Variants in MEF2A observed in about 807,000 individuals in gnomAD.
MEF2A encodes myocyte-specific enhancer factor 2A.
Under a neutral mutation model 55.8 loss-of-function variants are expected in MEF2A, and 28 were observed. The ratio of observed to expected loss-of-function variants is 0.50; its 90% CI spans 0.37 to 0.69. The LOEUF (loss-of-function observed/expected upper bound fraction) is 0.69. Ranked by LOEUF, MEF2A falls within the 30% of genes least tolerant of loss-of-function variation. The pLI is 0.00. For missense variants in MEF2A, 528 were observed against 626.2 expected, an observed-to-expected ratio of 0.84 and a Z score of 1.67; for synonymous variants, 239 against 227.1, an observed-to-expected ratio of 1.05 and a Z score of -0.47.
At position 99,715,041 on chromosome 15, in the gene MEF2A, A is replaced by C. The variant is rs1215203891; in HGVS notation, c.*2270A>C. Reference sequence around the variant, plus strand: ...GTCTCCTCTCTTCAGTATAGACATTAGGCTCTTATTCAGAAAGGATTTTTC... The same window carrying C: ...GTCTCCTCTCTTCAGTATAGACATTCGGCTCTTATTCAGAAAGGATTTTTC... On this transcript the variant is annotated 3_prime_UTR_variant, in exon 12 of 12. Transcript: ENST00000557942. The C allele has an allele frequency of 1.3e-5, 2 of 152,178 alleles. No individual in the cohort carries two copies. Among genetic ancestry groups the C allele is most frequent in the South Asian group, 2.1e-4 (1 of 4,834 alleles). 9.4% of individuals were successfully genotyped at this position (152,178 alleles called of 1,614,324 possible).
At chr15:99,602,650 T>TGG (rs201036705) in intron 2 of MEF2A, among the ~76,000 whole-genome samples, 1,233 of 103,374 alleles carry the variant, frequency 0.012, 34 homozygotes, top group East Asian at 0.02. Flanking sequence ...CTGACATTCC[T>TGG]GGGGTGTGTG....
intron 1 of MEF2A, among the ~76,000 whole-genome samples, chr15:99,595,075 A>T (rs1208642798): frequency 6.6e-6 from 1 of 152,168 alleles, no homozygotes; most frequent in East Asian, 1.9e-4. Context: ...TAGCAGTTAA[A>T]AGCATTCCTG....
At chr15:99,675,492 A>C in intron 7 of MEF2A, 34 bp downstream of exon 7, 1 of 1,564,606 alleles carries the variant, frequency 6.4e-7, no homozygotes. Context: ...TTTTGTAGGT[A>C]TCTATCCTAT....
chr15:99,636,965 A>G (rs2043979042), intron 3 of MEF2A, among the ~76,000 whole-genome samples: 2 of 152,202 alleles, frequency 1.3e-5, no homozygotes, highest in African/African-American at 2.4e-5. Context: ...ACTATATGAC[A>G]GGGTTGCCTT....
intron 9 of MEF2A, among the ~76,000 whole-genome samples, chr15:99,705,457 C>G (rs2057920448): frequency 6.6e-6 from 1 of 152,148 alleles, no homozygotes; most frequent in Admixed American, 6.6e-5. Flanking sequence ...ACAAAGATTG[C>G]TATATCTTCT....
intron 2 of MEF2A, among the ~76,000 whole-genome samples, chr15:99,629,803 G>C (rs2042651371): frequency 6.6e-6 from 1 of 152,138 alleles, no homozygotes; most frequent in African/African-American, 2.4e-5. Context: ...AGCCGGGCGT[G>C]GTGGCACGTG....
chr15:99,630,649 C>G (rs2042805268), intron 2 of MEF2A, among the ~76,000 whole-genome samples: 2 of 152,142 alleles, frequency 1.3e-5, no homozygotes, highest in African/African-American at 2.4e-5. Context: ...ATGATGTTAT[C>G]TTTCTGCTGA....
At position 99,712,517 on chromosome 15, in the gene MEF2A, CAG is replaced by C. The variant is rs1229151811; in HGVS notation, c.1265_1266del (p.Gln422ProfsTer38). On this transcript the variant is annotated frameshift_variant, in exon 12 of 12. Transcript: ENST00000557942. LOFTEE classifies it high-confidence loss of function. The surrounding 1 kb of genome is among the most constrained non-coding windows in gnomAD (Gnocchi z 4.1). ...CCCATCGGGCTTCCAGCAGCAGCAG[CAG>C]CAGCAGCAGCAGCAGCAGCCGCCGC... is the stretch of plus-strand genomic sequence containing the variant. ...MTPSGFQQQQ[Q>X]QQQQQQPPPP... 4 of 1,520,510 alleles carry C rather than the reference CAG, an allele frequency of 2.6e-6. No individual in the cohort carries two copies. The African/African-American group carries it at 5.6e-5, about 21-fold the overall frequency. The allele number at this position is 1,520,510 out of a possible 1,614,324, so 94.2% of individuals were successfully genotyped here.
chr15:99,578,749 C>A (rs1019109897), intron 1 of MEF2A, among the ~76,000 whole-genome samples: 6 of 152,178 alleles, frequency 3.9e-5, no homozygotes, highest in Admixed American at 2.0e-4. Flanking sequence ...ATGAAAGCCA[C>A]AGGGTTCGTG....
chr15:99,575,190 G>A (rs1025026925), intron 1 of MEF2A, among the ~76,000 whole-genome samples: 6 of 152,110 alleles, frequency 3.9e-5, no homozygotes, highest in Middle Eastern at 3.2e-3. Flanking sequence ...GGGGATTCAA[G>A]AAATTTAATA....
At chr15:99,706,554 C>A (rs1252724517) in intron 9 of MEF2A, 175 bp from the exon 10 acceptor site, 6 of 644,298 alleles carry the variant, frequency 9.3e-6, no homozygotes, top group African/African-American at 9.0e-5. Flanking sequence ...AAATAGGACC[C>A]TTCAAATTAA....
chr15:99,645,821 T>C, intron 4 of MEF2A, 57 bp downstream of exon 4: 1 of 1,222,638 alleles, frequency 8.2e-7, no homozygotes, highest in Non-Finnish European at 1.1e-6. Flanking sequence ...TTTTGTTTAA[T>C]AGCATTAACT....
At chr15:99,655,910 A>T (rs1322624786) in intron 4 of MEF2A, among the ~76,000 whole-genome samples, 1 of 152,106 alleles carries the variant, frequency 6.6e-6, no homozygotes, top group Non-Finnish European at 1.5e-5. Context: ...CATTTAACTG[A>T]TGAGGAAGCC....
At chr15:99,616,753 G>A (rs918903827) in intron 2 of MEF2A, among the ~76,000 whole-genome samples, 2 of 152,004 alleles carry the variant, frequency 1.3e-5, no homozygotes, top group African/African-American at 4.8e-5. Flanking sequence ...CATCTTTTGG[G>A]TACCGGATAT....
chr15:99,716,476 G>A lies in MEF2A; in HGVS notation c.*3705G>A, dbSNP rs980956316. 2 of 456,714 alleles carry A rather than the reference G, an allele frequency of 4.4e-6. No individual in the cohort carries two copies. The highest frequency in any genetic ancestry group is 8.8e-6 in the Non-Finnish European group (2 of 227,004). The allele number at this position is 456,714 out of a possible 1,614,324, so 28.3% of individuals were successfully genotyped here. A position where few individuals can be genotyped will look rare whatever the true frequency, so the allele number is the denominator to read the frequency against. ...GCACTCACTCCAGTAAAGACGGACT[G>A]GCTCTTCCTGTGCGTCGAGACTCTG... is the stretch of plus-strand genomic sequence containing the variant. On this transcript the variant is annotated 3_prime_UTR_variant, in exon 12 of 12. Coordinates refer to ENST00000557942, the MANE Select transcript of MEF2A (RefSeq NM_001319206.4).
At chr15:99,692,869 TA>T (rs1040645187) in intron 8 of MEF2A, among the ~76,000 whole-genome samples, 6 of 152,178 alleles carry the variant, frequency 3.9e-5, no homozygotes, top group Admixed American at 2.0e-4. Context: ...AAATCCTGTT[TA>T]ATGGAAAAGG....
At chr15:99,663,779 G>A (rs2049083455) in intron 4 of MEF2A, among the ~76,000 whole-genome samples, 1 of 152,054 alleles carries the variant, frequency 6.6e-6, no homozygotes, top group African/African-American at 2.4e-5. Flanking sequence ...TTAAAAAAAA[G>A]TTTATACAGT....
chr15:99,716,293 T>C lies in MEF2A; in HGVS notation c.*3522T>C. On this transcript the variant is annotated 3_prime_UTR_variant, in exon 12 of 12. Coordinates refer to ENST00000557942, the MANE Select transcript of MEF2A (RefSeq NM_001319206.4). ...CCGTTTGGCGGCACAAGCTGGACTT[T>C]GTTGCCATCCTTGAGATGAACCTTT... 2.9e-6 allele frequency: 1 copy of C among 346,122 alleles called. No individual in the cohort carries two copies. Among genetic ancestry groups the C allele is most frequent in the South Asian group, 2.3e-5 (1 of 44,420 alleles). The allele number at this position is 346,122 out of a possible 1,614,324, so 21.4% of individuals were successfully genotyped here.
At chr15:99,573,583 C>A (rs2152757762) in intron 1 of MEF2A, among the ~76,000 whole-genome samples, 1 of 152,280 alleles carries the variant, frequency 6.6e-6, no homozygotes, top group Non-Finnish European at 1.5e-5. Context: ...TCATTACTAA[C>A]CAACATCCCT....
Sources: allele counts gnomAD v4.1 joint callset (sites outside exome capture counted in the v4.1 genomes callset), GRCh38; gene constraint gnomAD v4.1.1; non-coding constraint Gnocchi (gnomAD v3.1); transcripts MANE v1.5; gene names NCBI Gene and HGNC (gene_info 2026-07-23, HGNC 2026-07-21).